The following SPOCK1 variants were observed in gnomAD, a reference collection of about 807,000 sequenced individuals.
SPOCK1 encodes testican-1.
A neutral mutation model predicts 55.3 loss-of-function variants in SPOCK1; 23 were observed. The observed-to-expected ratio is 0.42, with a 90% CI of 0.30 to 0.59. The LOEUF (loss-of-function observed/expected upper bound fraction) is 0.59. SPOCK1 is among the 20% of genes least tolerant of loss of function. The pLI is 0.22. For missense variants in SPOCK1, 499 were observed against 552.5 expected (o/e 0.90, Z 0.97); for synonymous variants, 226 against 221.0 (o/e 1.02, Z -0.20).
At chr5:137,251,734 A>C (rs921858254) in intron 3 of SPOCK1, among the ~76,000 whole-genome samples, 1 of 152,194 alleles carries the variant, frequency 6.6e-6, no homozygotes, top group Non-Finnish European at 1.5e-5. Flanking sequence ...GCTCACAGTA[A>C]AATGTTTAGA....
At chr5:137,435,606 C>G (rs945445835) in intron 2 of SPOCK1, among the ~76,000 whole-genome samples, 2 of 152,102 alleles carry the variant, frequency 1.3e-5, no homozygotes, top group African/African-American at 4.8e-5. Flanking sequence ...TATAAGCCAT[C>G]CTATAAAATG....
chr5:137,245,753 T>TA (rs1756380589), intron 3 of SPOCK1, among the ~76,000 whole-genome samples: 3 of 104,364 alleles, frequency 2.9e-5, no homozygotes, highest in South Asian at 3.1e-4. Context: ...CTGCATTTGT[T>TA]AAAAAAACAA....
At chr5:137,259,332 C>T (rs548779425) in intron 3 of SPOCK1, among the ~76,000 whole-genome samples, 3 of 152,282 alleles carry the variant, frequency 2.0e-5, no homozygotes, top group East Asian at 3.9e-4. Flanking sequence ...AGTTCATGTC[C>T]TTTGCAGGGA....
chr5:137,420,216 T>A (rs1263636958), intron 2 of SPOCK1, among the ~76,000 whole-genome samples: 1 of 152,224 alleles, frequency 6.6e-6, no homozygotes. Flanking sequence ...TATTGAGAAT[T>A]TTTGCATCAA....
intron 5 of SPOCK1, among the ~76,000 whole-genome samples, chr5:137,099,908 C>G (rs527576273): frequency 2.6e-4 from 40 of 152,282 alleles, no homozygotes; most frequent in Admixed American, 2.0e-3. Context: ...CTCCCCACCC[C>G]CCGGAGTCAT....
At chr5:137,368,159 G>A (rs1751117630) in intron 2 of SPOCK1, among the ~76,000 whole-genome samples, 2 of 152,200 alleles carry the variant, frequency 1.3e-5, no homozygotes, top group Non-Finnish European at 2.9e-5. Context: ...AAAGATTGTG[G>A]TCAGCTAATT....
chr5:137,105,935 G>A (rs1318670337), intron 5 of SPOCK1, among the ~76,000 whole-genome samples: 1 of 152,158 alleles, frequency 6.6e-6, no homozygotes, highest in African/African-American at 2.4e-5. Context: ...CCAAGCTGAT[G>A]CCAGTGAACA....
intron 2 of SPOCK1, among the ~76,000 whole-genome samples, chr5:137,397,884 C>T (rs1237744252): frequency 1.3e-5 from 2 of 152,170 alleles, no homozygotes; most frequent in Admixed American, 1.3e-4. Context: ...TCCACAGAGG[C>T]CAGCACTACA....
At chr5:137,134,837 A>C (rs1022975052) in intron 4 of SPOCK1, among the ~76,000 whole-genome samples, 1 of 152,252 alleles carries the variant, frequency 6.6e-6, no homozygotes, top group African/African-American at 2.4e-5. Context: ...TATTTGAGGC[A>C]CATTCTGTGA....
At chr5:137,230,821 C>A (rs147011590) in intron 3 of SPOCK1, among the ~76,000 whole-genome samples, 7 of 149,446 alleles carry the variant, frequency 4.7e-5, no homozygotes, top group African/African-American at 1.5e-4. Flanking sequence ...TTTACCCAAC[C>A]TCCCCAGAAA....
chr5:137,013,705 A>C (rs1421638010), intron 6 of SPOCK1, among the ~76,000 whole-genome samples: 2 of 152,238 alleles, frequency 1.3e-5, no homozygotes, highest in African/African-American at 4.8e-5. Context: ...GAATTTAACT[A>C]AATGAAGCAG....
chr5:137,164,296 A>G (rs1023332447), intron 3 of SPOCK1, among the ~76,000 whole-genome samples: 1 of 152,074 alleles, frequency 6.6e-6, no homozygotes, highest in Non-Finnish European at 1.5e-5. Flanking sequence ...GGAGGCTCCA[A>G]TTCCAGGCTG....
At chr5:137,197,844 T>C (rs1339174193) in intron 3 of SPOCK1, among the ~76,000 whole-genome samples, 1 of 152,208 alleles carries the variant, frequency 6.6e-6, no homozygotes, top group Non-Finnish European at 1.5e-5. Context: ...ATCCTAGTTG[T>C]AGAAATTAAA....
intron 2 of SPOCK1, among the ~76,000 whole-genome samples, chr5:137,312,924 G>C (rs1757814548): frequency 1.1e-5 from 1 of 94,050 alleles, no homozygotes; most frequent in African/African-American, 4.1e-5. Context: ...TAGATCTGAA[G>C]GATGACAGCT....
intron 4 of SPOCK1, among the ~76,000 whole-genome samples, chr5:137,118,137 C>T (rs137933915): frequency 6.6e-6 from 1 of 152,200 alleles, no homozygotes; most frequent in African/African-American, 2.4e-5. Context: ...CCCAGAATCA[C>T]ATGTTGATAT....
At chr5:137,223,968 ATTTC>A (rs1322652434) in intron 3 of SPOCK1, among the ~76,000 whole-genome samples, 8 of 152,184 alleles carry the variant, frequency 5.3e-5, no homozygotes, top group African/African-American at 1.7e-4. Context: ...GTTAAGAGTC[ATTTC>A]TTGAAGTTTA....
Position 137,381,376 on chromosome 5 carries a change from C to T in SPOCK1, c.187-114321G>A, listed in dbSNP as rs189065776. Among the ~76,000 whole-genome samples the T allele has an allele frequency of 1.4e-4, 21 of 152,284 alleles. No homozygotes were observed. The South Asian group carries it at 1.9e-3, about 14-fold the overall frequency. ...CTCTTTTCATAGCTCCACTAGGCAG[C>T]GCCCCAGTGGGGATTCTGTGTGGGG... On this transcript the variant is annotated intron_variant, in intron 2 of 10. Coordinates refer to ENST00000394945, the MANE Select transcript of SPOCK1 (RefSeq NM_004598.4).
At chr5:137,310,779 G>A (rs1561500852) in intron 2 of SPOCK1, among the ~76,000 whole-genome samples, 1 of 152,184 alleles carries the variant, frequency 6.6e-6, no homozygotes, top group Non-Finnish European at 1.5e-5. Context: ...TAATAATTTG[G>A]AGAACACTTA....
chr5:137,178,032 A>G (rs1242975667), intron 3 of SPOCK1, among the ~76,000 whole-genome samples: 3 of 152,188 alleles, frequency 2.0e-5, no homozygotes, highest in Admixed American at 1.3e-4. Context: ...ATCTCCTCCA[A>G]AGCCCTGGCA....
Sources: gnomAD v4.1 joint callset for allele counts (sites outside exome capture counted in the v4.1 genomes callset) on GRCh38, gnomAD v4.1.1 for gene constraint, MANE v1.5 for transcripts, NCBI Gene and HGNC (gene_info 2026-07-23, HGNC 2026-07-21) for gene names.